ACSL5: variants seen among roughly 807,000 people sequenced by gnomAD.
The protein encoded by ACSL5 is long-chain-fatty-acid--CoA ligase 5.
In ACSL5, 50 loss-of-function variants were observed where a neutral mutation model predicts 84.9. That is an observed-to-expected ratio of 0.59 (90% confidence interval 0.47 to 0.75). The LOEUF (loss-of-function observed/expected upper bound fraction) is 0.75. ACSL5 is among the 30% of genes least tolerant of loss of function. The probability of loss-of-function intolerance (pLI) is 0.00; values close to 1 mark genes in which losing one functional copy is unlikely to be tolerated. For missense variants in ACSL5, 775 were observed against 830.4 expected, an observed-to-expected ratio of 0.93 and a Z score of 0.82; for synonymous variants, 280 against 300.7, an observed-to-expected ratio of 0.93 and a Z score of 0.71.
At chr10:112,408,750 G>C (rs368222043) in intron 6 of ACSL5, 1 of 472,240 alleles carries the variant, frequency 2.1e-6, no homozygotes, top group African/African-American at 2.0e-5. Flanking sequence ...AATGACATGC[G>C]TCAGGGTGAC....
chr10:112,380,980 G>A (rs1849338021), intron 1 of ACSL5, among the ~76,000 whole-genome samples: 1 of 152,068 alleles, frequency 6.6e-6, no homozygotes, highest in African/African-American at 2.4e-5. Flanking sequence ...ATGTTGCTCA[G>A]GCTGGTCTCA....
chr10:112,408,717 A>C (rs2133624919), intron 6 of ACSL5, 196 bp downstream of exon 6: 1 of 529,592 alleles, frequency 1.9e-6, no homozygotes, highest in Non-Finnish European at 3.4e-6. Context: ...CATGAAGCAG[A>C]GATACACACA....
chr10:112,411,627 T>TACAC (rs3831106), intron 10 of ACSL5, 98 bp downstream of exon 10: 17,706 of 819,832 alleles, frequency 0.022, 63 homozygotes, highest in South Asian at 0.041. Context: ...CACACACACA[T>TACAC]ACACACACAC....
At chr10:112,382,719 A>G (rs1849374637) in intron 1 of ACSL5, among the ~76,000 whole-genome samples, 1 of 152,204 alleles carries the variant, frequency 6.6e-6, no homozygotes, top group Non-Finnish European at 1.5e-5. Context: ...ACCTGTCTGA[A>G]GCCTAGACTC....
At chr10:112,411,812 C>A in intron 10 of ACSL5, 90 bp from the exon 11 acceptor site, 2 of 1,241,738 alleles carry the variant, frequency 1.6e-6, no homozygotes, top group Non-Finnish European at 2.4e-6. Context: ...CTGTGGTAGT[C>A]CTGGGAGGAG....
At chr10:112,418,352 C>T (rs775428107) in intron 14 of ACSL5, among the ~76,000 whole-genome samples, 3 of 152,080 alleles carry the variant, frequency 2.0e-5, no homozygotes, top group African/African-American at 7.2e-5. Flanking sequence ...GAGGCTGAGA[C>T]GGGCGGATCA....
intron 15 of ACSL5, 35 bp downstream of exon 15, chr10:112,421,700 G>T: frequency 2.5e-6 from 4 of 1,585,508 alleles, no homozygotes; most frequent in Non-Finnish European, 3.5e-6. Flanking sequence ...GAGGTGCCAT[G>T]GTTGGGAGAA....
At position 112,404,672 on chromosome 10, in the gene ACSL5, C is replaced by G. The variant is rs983245356; in HGVS notation, c.331-33C>G. ...TCAGTTTTTGGTCTTGACCTCTTCT[C>G]TCTCTCTCTCACCCCATCTCTCTTT... On this transcript the variant is annotated intron_variant, in intron 4 of 20. Coordinates refer to ENST00000354655, the MANE Select transcript of ACSL5 (RefSeq NM_203379.2). 4 of 1,599,846 alleles carry G rather than the reference C, an allele frequency of 2.5e-6. No individual in the cohort carries two copies. The Admixed American group carries it at 6.7e-5, about 27-fold the overall frequency.
chr10:112,405,693 G>A (rs1844018427), intron 5 of ACSL5, among the ~76,000 whole-genome samples: 1 of 152,050 alleles, frequency 6.6e-6, no homozygotes, highest in African/African-American at 2.4e-5. Context: ...TGCCTATTCA[G>A]TAAAAAAATC....
chr10:112,398,474 G>C (rs1843796445), intron 2 of ACSL5, among the ~76,000 whole-genome samples: 2 of 151,502 alleles, frequency 1.3e-5, no homozygotes, highest in South Asian at 4.2e-4. Flanking sequence ...GCGCGATCTT[G>C]CCTCACTGCA....
intron 14 of ACSL5, among the ~76,000 whole-genome samples, chr10:112,421,326 T>A (rs1205516143): frequency 1.3e-5 from 2 of 151,446 alleles, no homozygotes; most frequent in African/African-American, 4.9e-5. Flanking sequence ...GCCCAGCTAA[T>A]TTTTTTTGTG....
At chr10:112,378,864 A>G (rs2133557603) in intron 1 of ACSL5, among the ~76,000 whole-genome samples, 1 of 152,264 alleles carries the variant, frequency 6.6e-6, no homozygotes, top group East Asian at 1.9e-4. Flanking sequence ...TTCTCAACTC[A>G]TTGTTTGAAT....
intron 2 of ACSL5, among the ~76,000 whole-genome samples, chr10:112,395,602 T>C (rs1483336996): frequency 6.6e-6 from 1 of 152,192 alleles, no homozygotes; most frequent in African/African-American, 2.4e-5. Context: ...AAATTCTAGT[T>C]TGAGTTAAAT....
chr10:112,394,824 G>A, intron 1 of ACSL5, 94 bp from the exon 2 acceptor site: 1 of 1,114,870 alleles, frequency 9.0e-7, no homozygotes, highest in Non-Finnish European at 1.2e-6. Flanking sequence ...GTGTGTGTAT[G>A]TGTGTGTGTG....
At chr10:112,381,556 T>C (rs1283708158) in intron 1 of ACSL5, among the ~76,000 whole-genome samples, 3 of 151,440 alleles carry the variant, frequency 2.0e-5, no homozygotes, top group Non-Finnish European at 2.9e-5. Flanking sequence ...TAATCCCAGC[T>C]ACTCGGGAGG....
At chr10:112,423,203 A>T (rs1589700872) in intron 17 of ACSL5, among the ~76,000 whole-genome samples, 1 of 54,472 alleles carries the variant, frequency 1.8e-5, no homozygotes, top group African/African-American at 5.9e-5. Context: ...AAAAAAAAAA[A>T]AAAAAAAAAA....
intron 2 of ACSL5, chr10:112,396,006 T>TC (rs1425531151): frequency 1.3e-5 from 2 of 152,440 alleles, no homozygotes; most frequent in South Asian, 2.1e-4. Context: ...CCACCAGAGT[T>TC]CTTTGAGAGT....
chr10:112,397,248 C>A (rs1330399942), intron 2 of ACSL5, among the ~76,000 whole-genome samples: 1 of 151,474 alleles, frequency 6.6e-6, no homozygotes, highest in Non-Finnish European at 1.5e-5. Flanking sequence ...TGGCTCACTG[C>A]AACCTCCGCT....
At position 112,427,448 on chromosome 10, in the gene ACSL5, T is replaced by C; in HGVS notation, c.*90T>C. 2 of 1,322,306 alleles carry C rather than the reference T, an allele frequency of 1.5e-6. No individual in the cohort carries two copies. The highest frequency in any genetic ancestry group is 2.0e-6 in the Non-Finnish European group (2 of 988,982). The allele number at this position is 1,322,306 out of a possible 1,614,324, so 81.9% of individuals were successfully genotyped here. On this transcript the variant is annotated 3_prime_UTR_variant, in exon 21 of 21. Transcript: ENST00000354655. Reference sequence around the variant, plus strand: ...ATTCTTACATTTGTTTTGCCTTTCCTCCTATTTTTTTTTAACCTGTTAAAC... The same window carrying C: ...ATTCTTACATTTGTTTTGCCTTTCCCCCTATTTTTTTTTAACCTGTTAAAC...
Sources: allele counts gnomAD v4.1 joint callset (sites outside exome capture counted in the v4.1 genomes callset), GRCh38; gene constraint gnomAD v4.1.1; transcripts MANE v1.5; gene names NCBI Gene and HGNC (gene_info 2026-07-23, HGNC 2026-07-21).